The following PDE4D variants were observed in gnomAD, a reference collection of about 807,000 sequenced individuals.
PDE4D encodes 3',5'-cyclic-AMP phosphodiesterase 4D.
PDE4D carries 24 observed loss-of-function variants against 87.4 expected under a neutral mutation model. That is an observed-to-expected ratio of 0.27 (90% CI 0.20 to 0.39). PDE4D has a LOEUF of 0.39. Among genes scored for constraint, PDE4D ranks in the 10% least tolerant of loss-of-function variants. The probability of loss-of-function intolerance (pLI) is 1.00; values close to 1 mark genes in which losing one functional copy is unlikely to be tolerated. For missense variants in PDE4D, 714 were observed against 1,041.0 expected (o/e 0.69, Z 4.32); for synonymous variants, 384 against 383.2 (o/e 1.00, Z -0.02).
At chr5:59,807,466 C>G (rs964573469) in intron 1 of PDE4D, among the ~76,000 whole-genome samples, 13 of 152,126 alleles carry the variant, frequency 8.5e-5, no homozygotes, top group Non-Finnish European at 1.3e-4. Context: ...GTAGGAGGTA[C>G]TGGGCCAAAA....
chr5:59,085,709 G>C (rs1767551111), intron 5 of PDE4D, among the ~76,000 whole-genome samples: 1 of 152,014 alleles, frequency 6.6e-6, no homozygotes. Flanking sequence ...ATCTTTCTTG[G>C]GGATAGAAGA....
chr5:59,844,300 A>C (rs1431910805), intron 1 of PDE4D, among the ~76,000 whole-genome samples: 1 of 152,118 alleles, frequency 6.6e-6, no homozygotes, highest in Non-Finnish European at 1.5e-5. Context: ...TCTCACCCAG[A>C]GATATCCATG....
At chr5:59,407,301 A>G (rs920564581) in intron 1 of PDE4D, among the ~76,000 whole-genome samples, 1 of 152,196 alleles carries the variant, frequency 6.6e-6, no homozygotes, top group African/African-American at 2.4e-5. Flanking sequence ...ACCATGATTG[A>G]AAGCTCCCTG....
At chr5:59,393,342 A>G (rs1212364440) in intron 1 of PDE4D, among the ~76,000 whole-genome samples, 2 of 152,254 alleles carry the variant, frequency 1.3e-5, no homozygotes, top group South Asian at 4.1e-4. Flanking sequence ...CATCTCAAAA[A>G]AATAACATAT....
intron 2 of PDE4D, among the ~76,000 whole-genome samples, chr5:60,063,874 G>A (rs1771760711): frequency 6.6e-6 from 1 of 152,056 alleles, no homozygotes; most frequent in Non-Finnish European, 1.5e-5. Context: ...GAGGAGCATG[G>A]ATTTTGACAG....
intron 2 of PDE4D, among the ~76,000 whole-genome samples, chr5:60,126,767 TA>T (rs1471063464): frequency 6.6e-6 from 1 of 152,164 alleles, no homozygotes; most frequent in Non-Finnish European, 1.5e-5. Flanking sequence ...GGCTTAAGAT[TA>T]AAAAACGAGG....
At chr5:60,095,084 T>C (rs1212142312) in intron 2 of PDE4D, among the ~76,000 whole-genome samples, 1 of 152,216 alleles carries the variant, frequency 6.6e-6, no homozygotes, top group South Asian at 2.1e-4. Context: ...AGTTCTGGGA[T>C]ACATGTGCAG....
At chr5:59,883,866 C>G (rs191708287) in intron 1 of PDE4D, among the ~76,000 whole-genome samples, 122 of 152,212 alleles carry the variant, frequency 8.0e-4, no homozygotes, top group African/African-American at 2.7e-3. Flanking sequence ...ATTTTCTCTT[C>G]TCTTTGATGT....
chr5:59,428,563 T>C (rs954698422), intron 1 of PDE4D, among the ~76,000 whole-genome samples: 2 of 152,170 alleles, frequency 1.3e-5, no homozygotes, highest in African/African-American at 4.8e-5. Context: ...AAAAGAACCA[T>C]TCAAAACTTA....
intron 6 of PDE4D, among the ~76,000 whole-genome samples, chr5:58,998,117 G>T (rs1749649267): frequency 6.6e-6 from 1 of 151,808 alleles, no homozygotes; most frequent in African/African-American, 2.4e-5. Flanking sequence ...CTCCATTGAT[G>T]GTATAAAAAT....
chr5:59,466,645 G>T (rs1028707909), intron 1 of PDE4D, among the ~76,000 whole-genome samples: 1 of 152,090 alleles, frequency 6.6e-6, no homozygotes, highest in Non-Finnish European at 1.5e-5. Context: ...GCTCTCATTT[G>T]GTCCTGTTAT....
chr5:59,821,270 A>G (rs1395678354), intron 1 of PDE4D, among the ~76,000 whole-genome samples: 6 of 151,648 alleles, frequency 4.0e-5, no homozygotes, highest in African/African-American at 9.7e-5. Context: ...AACAACAACA[A>G]CAACAAAAGA....
At chr5:59,172,666 C>T (rs192649022) in intron 5 of PDE4D, 6 of 151,648 alleles carry the variant, frequency 4.0e-5, no homozygotes, top group African/African-American at 7.2e-5. Flanking sequence ...CAAGATCGTA[C>T]CACTTCACTC....
At chr5:60,034,100 G>A (rs577484612) in intron 2 of PDE4D, among the ~76,000 whole-genome samples, 1 of 152,304 alleles carries the variant, frequency 6.6e-6, no homozygotes, top group Admixed American at 6.5e-5. Flanking sequence ...GAAAGGCAAT[G>A]ATGTGGGAGA....
chr5:59,080,540 T>C (rs1766553835), intron 5 of PDE4D, among the ~76,000 whole-genome samples: 1 of 152,174 alleles, frequency 6.6e-6, no homozygotes, highest in Non-Finnish European at 1.5e-5. Context: ...GTCATATTGC[T>C]TCTTGCCACT....
chr5:60,109,334 A>C (rs374247786), intron 2 of PDE4D, among the ~76,000 whole-genome samples: 1 of 151,724 alleles, frequency 6.6e-6, no homozygotes, highest in African/African-American at 2.4e-5. Context: ...CCAGTTAGAA[A>C]GGCAATCATT....
chr5:60,014,282 C>G (rs1029932178), intron 2 of PDE4D, among the ~76,000 whole-genome samples: 1 of 152,072 alleles, frequency 6.6e-6, no homozygotes, highest in African/African-American at 2.4e-5. Context: ...CCTACCTAAT[C>G]AATACCACAT....
At chr5:60,265,167 G>GTTAAT (rs1750059759) in intron 1 of PDE4D, among the ~76,000 whole-genome samples, 1 of 152,176 alleles carries the variant, frequency 6.6e-6, no homozygotes, top group Admixed American at 6.5e-5. Flanking sequence ...CTTAACAGAG[G>GTTAAT]AGATTAATAG....
chr5:59,957,318 C>T (rs1166601844), intron 3 of PDE4D, among the ~76,000 whole-genome samples: 1 of 151,254 alleles, frequency 6.6e-6, no homozygotes, highest in African/African-American at 2.4e-5. Flanking sequence ...AGATATTTTC[C>T]AGTATAGAAT....
Sources: gnomAD v4.1 joint callset for allele counts (sites outside exome capture counted in the v4.1 genomes callset) on GRCh38, gnomAD v4.1.1 for gene constraint, MANE v1.5 for transcripts, NCBI Gene and HGNC (gene_info 2026-07-23, HGNC 2026-07-21) for gene names.